Variants in SNX25 observed in about 807,000 individuals in gnomAD.
The protein encoded by SNX25 is sorting nexin-25.
Under a neutral mutation model 113.7 loss-of-function variants are expected in SNX25, and 62 were observed. The observed-to-expected ratio is 0.55, with a 90% CI of 0.44 to 0.67. The LOEUF (loss-of-function observed/expected upper bound fraction) is 0.67, where lower values mean the gene tolerates loss of function less well. Ranked by LOEUF, SNX25 falls within the 30% of genes least tolerant of loss-of-function variation. SNX25 has a pLI of 0.00. For synonymous variants in SNX25, 421 were observed against 436.2 expected (o/e 0.97, Z 0.43); for missense variants, 1,014 against 1,161.0 (o/e 0.87, Z 1.84).
intron 5 of SNX25, among the ~76,000 whole-genome samples, 154 bp downstream of exon 5, chr4:185,267,309 C>T (rs1222297055): frequency 6.6e-6 from 1 of 151,962 alleles, no homozygotes; most frequent in African/African-American, 2.4e-5. Context: ...TATCCAGCGT[C>T]TCCTTAGCAG....
At chr4:185,245,170 TC>T (rs1432700723) in intron 1 of SNX25, among the ~76,000 whole-genome samples, 1 of 152,188 alleles carries the variant, frequency 6.6e-6, no homozygotes, top group Non-Finnish European at 1.5e-5. Flanking sequence ...TTTTTTTGTT[TC>T]TTTTTTTCGT....
In SNX25 at chr4:185,258,846, A is replaced by G; in HGVS notation, c.515-2A>G. ...ACTCATTGCTTTGTTTATTCCTGGT[A>G]GTGTTCGACTACAGTTATAGAGATT... On this transcript the variant is annotated splice_acceptor_variant, in intron 2 of 18. Transcript: ENST00000652585. LOFTEE classifies it high-confidence loss of function. 6.2e-7 allele frequency: 1 copy of G among 1,607,450 alleles called. No individual in the cohort carries two copies. Among genetic ancestry groups the G allele is most frequent in the Non-Finnish European group, 8.5e-7 (1 of 1,174,244 alleles).
chr4:185,378,254 C>A, the SNX25 span: 2 of 1,598,184 alleles, frequency 1.3e-6, no homozygotes, highest in Non-Finnish European at 1.7e-6. Flanking sequence ...CTTCCTCCAG[C>A]GAAGTGCAAA....
chr4:185,373,424 G>C (rs117601814), downstream of SNX25, among the ~76,000 whole-genome samples: 9 of 152,332 alleles, frequency 5.9e-5, no homozygotes, highest in East Asian at 1.7e-3. Flanking sequence ...AGGCACAGCA[G>C]AGGAGGGGAA....
chr4:185,247,983 G>C (rs1280021314), intron 2 of SNX25, among the ~76,000 whole-genome samples: 1 of 152,176 alleles, frequency 6.6e-6, no homozygotes, highest in Non-Finnish European at 1.5e-5. Context: ...GACAGTTTCA[G>C]TTAATTTTCA....
At chr4:185,242,353 C>G (rs1469681017) in intron 1 of SNX25, among the ~76,000 whole-genome samples, 1 of 152,108 alleles carries the variant, frequency 6.6e-6, no homozygotes. Context: ...AAGTGAAGCT[C>G]AGTCCCCAAG....
At chr4:185,351,205 T>C (rs2095313271) in intron 13 of SNX25, among the ~76,000 whole-genome samples, 1 of 152,226 alleles carries the variant, frequency 6.6e-6, no homozygotes, top group South Asian at 2.1e-4. Flanking sequence ...TGCATAGTTA[T>C]CTCCCATGAG....
At chr4:185,245,863 C>A (rs970666663) in intron 1 of SNX25, among the ~76,000 whole-genome samples, 7 of 152,122 alleles carry the variant, frequency 4.6e-5, no homozygotes, top group Non-Finnish European at 8.8e-5. Flanking sequence ...TGACTATTGA[C>A]GTATATATAA....
At chr4:185,266,231 G>A (rs1353959149) in intron 4 of SNX25, among the ~76,000 whole-genome samples, 1 of 152,152 alleles carries the variant, frequency 6.6e-6, no homozygotes, top group East Asian at 1.9e-4. Flanking sequence ...CTTCCTCTCT[G>A]AGGTCTGTTT....
intron 16 of SNX25, among the ~76,000 whole-genome samples, chr4:185,360,950 T>TATATATATATATATATAGATAG (rs1048534398): frequency 0.022 from 3,118 of 140,672 alleles, 37 homozygotes; most frequent in Non-Finnish European, 0.029. Context: ...TATATATATA[T>TATATATATATATATATAGATAG]ATAGAATCTG....
At chr4:185,325,803 A>G (rs1020976736) in intron 9 of SNX25, among the ~76,000 whole-genome samples, 1 of 152,174 alleles carries the variant, frequency 6.6e-6, no homozygotes, top group African/African-American at 2.4e-5. Flanking sequence ...CTGGCCTGTC[A>G]AAAAGTGACA....
Position 185,216,821 on chromosome 4 carries a change from G to A in SNX25, c.429+6566G>A, listed in dbSNP as rs200648391. Reference sequence around the variant, plus strand: ...CAGCTGTGAGCCACCTCGCCCGGCCGACAAAAGTGTGTATTTGAATTTAGC... The same window carrying A: ...CAGCTGTGAGCCACCTCGCCCGGCCAACAAAAGTGTGTATTTGAATTTAGC... On this transcript the variant is annotated intron_variant, in intron 1 of 18. Coordinates refer to ENST00000652585, the MANE Select transcript of SNX25 (RefSeq NM_001378034.2). Among the ~76,000 whole-genome samples the A allele has an allele frequency of 5.3e-5, 8 of 152,060 alleles. No homozygotes were observed. In the East Asian group the frequency reaches 5.8e-4, roughly 11 times the overall value.
intron 6 of SNX25, among the ~76,000 whole-genome samples, chr4:185,310,402 G>A (rs1755079417): frequency 6.6e-6 from 1 of 150,866 alleles, no homozygotes; most frequent in African/African-American, 2.4e-5. Flanking sequence ...TTAAAAAAAT[G>A]TTTTACCTTT....
At chr4:185,224,244 C>T (rs940046122) in intron 1 of SNX25, among the ~76,000 whole-genome samples, 8 of 151,370 alleles carry the variant, frequency 5.3e-5, no homozygotes, top group Admixed American at 3.3e-4. Context: ...CCCAGCTACT[C>T]GGGAGGCGAG....
At chr4:185,274,468 G>GC (rs1279944546) in intron 5 of SNX25, among the ~76,000 whole-genome samples, 1 of 152,142 alleles carries the variant, frequency 6.6e-6, no homozygotes, top group Non-Finnish European at 1.5e-5. Context: ...ATTCTGGGCA[G>GC]CCTTAGACCT....
the SNX25 span, chr4:185,376,819 A>G: frequency 1.2e-6 from 1 of 851,348 alleles, no homozygotes; most frequent in Non-Finnish European, 1.9e-6. Context: ...TCCCTAGTAT[A>G]ACACAGTAAG....
intron 2 of SNX25, among the ~76,000 whole-genome samples, chr4:185,251,970 CT>C (rs1024556011): frequency 3.4e-5 from 5 of 146,194 alleles, no homozygotes; most frequent in African/African-American, 5.0e-5. Context: ...TTTTTTTTTT[CT>C]TTTTTTTTAA....
At chr4:185,347,261 C>T (rs545765947) in intron 13 of SNX25, among the ~76,000 whole-genome samples, 1 of 152,246 alleles carries the variant, frequency 6.6e-6, no homozygotes, top group East Asian at 1.9e-4. Context: ...AAATATCTGT[C>T]GGCTGATGCC....
rs895703717 is a variant in SNX25 at position 185,304,506 on chromosome 4, C to T, written c.1163-6129C>T. On this transcript the variant is annotated intron_variant, in intron 6 of 18. Coordinates refer to ENST00000652585, the MANE Select transcript of SNX25 (RefSeq NM_001378034.2). ...TCGAGTAGCTGGGATTACAGGCATGCGCCACCATGCCCGGCTAATTTAGTG... is the reference window on the plus strand; with the variant it reads ...TCGAGTAGCTGGGATTACAGGCATGTGCCACCATGCCCGGCTAATTTAGTG... Among the ~76,000 whole-genome samples the T allele has an allele frequency of 5.9e-5, 9 of 152,146 alleles. No individual in the cohort carries two copies. In the East Asian group the frequency reaches 7.7e-4, roughly 13 times the overall value.
Sources: allele counts gnomAD v4.1 joint callset (sites outside exome capture counted in the v4.1 genomes callset), GRCh38; gene constraint gnomAD v4.1.1; transcripts MANE v1.5; gene names NCBI Gene and HGNC (gene_info 2026-07-23, HGNC 2026-07-21).